The following ITGA9 variants were observed in gnomAD, a reference collection of about 807,000 sequenced individuals.
The protein encoded by ITGA9 is integrin alpha-9.
ITGA9 carries 56 observed loss-of-function variants against 127.8 expected under a neutral mutation model. That is an observed-to-expected ratio of 0.44 (90% confidence interval 0.35 to 0.55). ITGA9 has a LOEUF of 0.55. ITGA9 is among the 20% of genes least tolerant of loss of function. The probability of loss-of-function intolerance (pLI) is 0.00; values close to 1 mark genes in which losing one functional copy is unlikely to be tolerated. For missense variants in ITGA9, 1,196 were observed against 1,347.1 expected (o/e 0.89, Z 1.76); for synonymous variants, 508 against 514.5 (o/e 0.99, Z 0.17).
chr3:37,614,540 A>G (rs1321425317), intron 15 of ITGA9, among the ~76,000 whole-genome samples: 2 of 150,794 alleles, frequency 1.3e-5, no homozygotes, highest in Non-Finnish European at 3.0e-5. Context: ...CATTGAATCT[A>G]TAAATTACCT....
intron 15 of ITGA9, among the ~76,000 whole-genome samples, chr3:37,589,875 G>A (rs939004592): frequency 1.3e-5 from 2 of 152,054 alleles, no homozygotes; most frequent in Non-Finnish European, 2.9e-5. Flanking sequence ...AAAGTACGGA[G>A]GGGACAAATG....
intron 18 of ITGA9, among the ~76,000 whole-genome samples, chr3:37,686,892 A>G (rs13433721): frequency 6.3e-4 from 96 of 152,122 alleles, no homozygotes; most frequent in African/African-American, 2.2e-3. Flanking sequence ...ATCACCCAGC[A>G]CCGGGTAGGA....
At chr3:37,734,757 G>A (rs1175610826) in intron 19 of ITGA9, among the ~76,000 whole-genome samples, 1 of 152,210 alleles carries the variant, frequency 6.6e-6, no homozygotes, top group African/African-American at 2.4e-5. Flanking sequence ...CTCCCAAAGT[G>A]CTGGGATTAC....
chr3:37,575,745 G>A lies in ITGA9; in HGVS notation c.1689+33160G>A, dbSNP rs147980174. On this transcript the variant is annotated intron_variant, in intron 15 of 27. Coordinates refer to ENST00000264741, the MANE Select transcript of ITGA9 (RefSeq NM_002207.3). ...GGGAGACAGTGACCCACGTGAAAAA[G>A]GATGGCTACAGATGCATGGCTGCAT... Among the ~76,000 whole-genome samples, 14 of 152,266 alleles carry A rather than the reference G, an allele frequency of 9.2e-5. No individual in the cohort carries two copies. In the East Asian group the frequency reaches 2.3e-3, roughly 25 times the overall value.
chr3:37,763,864 A>G (rs867609991), intron 23 of ITGA9, among the ~76,000 whole-genome samples: 4 of 152,144 alleles, frequency 2.6e-5, no homozygotes, highest in African/African-American at 9.7e-5. Flanking sequence ...GTGGAAATTC[A>G]ATGGTTGACT....
At chr3:37,539,267 G>A (rs1303061178) in intron 14 of ITGA9, among the ~76,000 whole-genome samples, 4 of 152,220 alleles carry the variant, frequency 2.6e-5, no homozygotes, top group African/African-American at 7.2e-5. Flanking sequence ...CAGAGCCTGG[G>A]TCAAGGATCT....
chr3:37,476,996 G>A (rs1302525594), intron 3 of ITGA9, among the ~76,000 whole-genome samples: 2 of 152,160 alleles, frequency 1.3e-5, no homozygotes, highest in East Asian at 3.9e-4. Context: ...AGTGGCTGAA[G>A]GAAACACCAG....
chr3:37,661,934 C>T (rs1270622731), intron 17 of ITGA9, among the ~76,000 whole-genome samples: 2 of 152,158 alleles, frequency 1.3e-5, no homozygotes, highest in African/African-American at 4.8e-5. Context: ...ACAGGACTCC[C>T]ATGAAGATCT....
chr3:37,615,193 C>T lies in ITGA9; in HGVS notation c.1690-13994C>T, dbSNP rs1406699070. On this transcript the variant is annotated intron_variant, in intron 15 of 27. Transcript: ENST00000264741. ...AGCATGAAGCATTGTTGAATTTTGT[C>T]AAAGGCCTTTTCTGCATCTATTGAG... Among the ~76,000 whole-genome samples the T allele has an allele frequency of 3.9e-5, 6 of 152,278 alleles. No homozygotes were observed. In the South Asian group the frequency reaches 1.0e-3, roughly 26 times the overall value.
At chr3:37,734,473 T>C (rs1696334254) in intron 19 of ITGA9, among the ~76,000 whole-genome samples, 1 of 152,146 alleles carries the variant, frequency 6.6e-6, no homozygotes, top group African/African-American at 2.4e-5. Flanking sequence ...CTCTCTCTAG[T>C]GGAGTGTTAC....
chr3:37,620,849 G>A (rs904779953), intron 15 of ITGA9, among the ~76,000 whole-genome samples: 1 of 152,318 alleles, frequency 6.6e-6, no homozygotes, highest in South Asian at 2.1e-4. Flanking sequence ...CACCATTCTT[G>A]TAAGGGCACC....
intron 26 of ITGA9, among the ~76,000 whole-genome samples, chr3:37,801,038 G>T (rs767534997): frequency 6.6e-6 from 1 of 152,152 alleles, no homozygotes; most frequent in Admixed American, 6.5e-5. Context: ...GGTGGCATGC[G>T]CCTGTAATCC....
intron 26 of ITGA9, among the ~76,000 whole-genome samples, chr3:37,793,428 ACACACACACGTG>A (rs1697137078): frequency 2.0e-5 from 3 of 150,664 alleles, no homozygotes; most frequent in East Asian, 2.0e-4. Context: ...ACACACACAC[ACACACACACGTG>A]CACACACATC....
chr3:37,576,883 G>C (rs901588300), intron 15 of ITGA9, among the ~76,000 whole-genome samples: 14 of 152,218 alleles, frequency 9.2e-5, no homozygotes, highest in Non-Finnish European at 1.6e-4. Flanking sequence ...ACAGGCATGA[G>C]CCACCACACT....
Position 37,506,039 on chromosome 3 carries a change from C to T in ITGA9, c.782C>T (p.Thr261Ile), listed in dbSNP as rs2125571899. ...VTAGHFSHPS[T>I]IDVVGGAPQD... is the part of the protein sequence containing the mutation. ...GCTGGCCACTTCTCTCACCCGTCCA[C>T]CATTGATGTGGTAGGAGGTGCCCCA... Residue 261 changes from threonine to isoleucine, a missense_variant, in exon 7 of 28, where the codon ACC becomes ATC. Physicochemically the swap from Thr to Ile is moderately conservative, Grantham distance 89. Transcript: ENST00000264741. The T allele has an allele frequency of 1.2e-6, 2 of 1,610,466 alleles. No individual in the cohort carries two copies. Among genetic ancestry groups the T allele is most frequent in the South Asian group, 1.1e-5 (1 of 89,810 alleles).
chr3:37,461,181 T>A (rs987689424), intron 1 of ITGA9, among the ~76,000 whole-genome samples: 3 of 152,130 alleles, frequency 2.0e-5, no homozygotes, highest in Non-Finnish European at 4.4e-5. Context: ...CTTCATTGAA[T>A]CCCTGGTTCC....
At chr3:37,658,172 T>A (rs1700496530) in intron 17 of ITGA9, among the ~76,000 whole-genome samples, 1 of 152,216 alleles carries the variant, frequency 6.6e-6, no homozygotes, top group Admixed American at 6.5e-5. Flanking sequence ...TCTGCTGATT[T>A]GGGGTGGAAA....
chr3:37,709,969 CTG>C (rs1209423062), intron 18 of ITGA9, among the ~76,000 whole-genome samples: 8 of 152,180 alleles, frequency 5.3e-5, no homozygotes, highest in African/African-American at 1.9e-4. Context: ...GCGCGAAACT[CTG>C]TGAAACTTTC....
intron 16 of ITGA9, among the ~76,000 whole-genome samples, chr3:37,652,208 T>C (rs1046339798): frequency 6.6e-6 from 1 of 152,100 alleles, no homozygotes; most frequent in Non-Finnish European, 1.5e-5. Flanking sequence ...ACCTCTAAGC[T>C]GAAGTTTCAC....
Sources: allele counts gnomAD v4.1 joint callset (sites outside exome capture counted in the v4.1 genomes callset), GRCh38; gene constraint gnomAD v4.1.1; transcripts MANE v1.5; gene names NCBI Gene and HGNC (gene_info 2026-07-23, HGNC 2026-07-21).